SH3D19: variants seen among roughly 807,000 people sequenced by gnomAD.
SH3D19 encodes the protein SH3 domain-containing protein 19.
In SH3D19, 58 loss-of-function variants were observed where a neutral mutation model predicts 112.1. The ratio of observed to expected loss-of-function variants is 0.52; its 90% confidence interval spans 0.42 to 0.64. The LOEUF is 0.64. SH3D19 is among the 30% of genes least tolerant of loss of function. The pLI, the probability that SH3D19 is intolerant of heterozygous loss-of-function variation, is 0.00. For missense variants in SH3D19, 1,090 were observed against 1,263.4 expected (o/e 0.86, Z 2.08); for synonymous variants, 391 against 448.5 (o/e 0.87, Z 1.62).
At chr4:151,283,327 T>C in intron 1 of SH3D19, 345 of 1,186,708 alleles carry the variant, frequency 2.9e-4, no homozygotes, top group Non-Finnish European at 3.9e-4. Flanking sequence ...AAACATGAGA[T>C]CTTAATTTGG....
chr4:151,268,497 T>C (rs1381494100), intron 1 of SH3D19, among the ~76,000 whole-genome samples: 3 of 151,502 alleles, frequency 2.0e-5, no homozygotes. Flanking sequence ...ATGTGCAGGT[T>C]AGTTACATAT....
chr4:151,124,140 CTT>C (rs993874808), intron 19 of SH3D19, among the ~76,000 whole-genome samples: 1 of 149,898 alleles, frequency 6.7e-6, no homozygotes, highest in African/African-American at 2.4e-5. Context: ...GAGTTTTGCT[CTT>C]GTTGCCCCGG....
At chr4:151,180,536 A>G (rs1160143869) in intron 3 of SH3D19, among the ~76,000 whole-genome samples, 1 of 149,992 alleles carries the variant, frequency 6.7e-6, no homozygotes, top group Non-Finnish European at 1.5e-5. Flanking sequence ...CTTCCAGAGT[A>G]GCTGGGACTA....
At chr4:151,283,048 T>A in intron 1 of SH3D19, 1 of 1,460,386 alleles carries the variant, frequency 6.8e-7, no homozygotes, top group Non-Finnish European at 9.5e-7. Flanking sequence ...CTTCTGCACA[T>A]CATGACTGAA....
intron 1 of SH3D19, among the ~76,000 whole-genome samples, chr4:151,276,185 A>C (rs1287740274): frequency 6.6e-6 from 1 of 152,118 alleles, no homozygotes; most frequent in Non-Finnish European, 1.5e-5. Flanking sequence ...AAGCATCCCA[A>C]TATTTTAAGT....
chr4:151,165,721 G>A (rs1456044286), intron 7 of SH3D19, 25 bp from the exon 8 acceptor site: 1 of 1,589,712 alleles, frequency 6.3e-7, no homozygotes. Context: ...AGTTTATTTT[G>A]CATGTTTTAG....
intron 1 of SH3D19, among the ~76,000 whole-genome samples, chr4:151,229,515 C>T (rs1388280043): frequency 6.6e-6 from 1 of 152,178 alleles, no homozygotes; most frequent in Non-Finnish European, 1.5e-5. Flanking sequence ...CACATACACA[C>T]ACACACCCCG....
At chr4:151,181,765 AG>A (rs1474903871) in intron 3 of SH3D19, 2 of 152,248 alleles carry the variant, frequency 1.3e-5, no homozygotes, top group African/African-American at 4.8e-5. Flanking sequence ...AGAAGAGGAA[AG>A]GAAGAGAAAA....
chr4:151,281,466 G>A (rs1055035326), intron 1 of SH3D19, among the ~76,000 whole-genome samples: 1 of 152,118 alleles, frequency 6.6e-6, no homozygotes, highest in Non-Finnish European at 1.5e-5. Context: ...AGTGGGAGGT[G>A]GGGGGTAGAC....
chr4:151,126,593 A>C (rs1749386262), intron 19 of SH3D19, among the ~76,000 whole-genome samples: 1 of 151,944 alleles, frequency 6.6e-6, no homozygotes, highest in Non-Finnish European at 1.5e-5. Context: ...CAGGAGATCA[A>C]GACCATCTTC....
intron 14 of SH3D19, among the ~76,000 whole-genome samples, chr4:151,135,421 ATTTTTTTTTT>A (rs34291277): frequency 1.1e-5 from 1 of 87,464 alleles, no homozygotes; most frequent in Non-Finnish European, 2.0e-5. Context: ...TCTCTATCTC[ATTTTTTTTTT>A]TTTTTTTTTT....
At chr4:151,276,137 C>T (rs1348697745) in intron 1 of SH3D19, among the ~76,000 whole-genome samples, 1 of 152,210 alleles carries the variant, frequency 6.6e-6, no homozygotes, top group Non-Finnish European at 1.5e-5. Flanking sequence ...GCCACCGTGC[C>T]TGGCCTATTA....
At position 151,174,734 on chromosome 4, in the gene SH3D19, A is replaced by G. The variant is rs1007324499; in HGVS notation, c.1470T>C (p.Asp490=). 7 of 1,517,738 alleles carry G rather than the reference A, an allele frequency of 4.6e-6. No individual in the cohort carries two copies. The African/African-American group carries it at 8.4e-5, about 18-fold the overall frequency. The allele number at this position is 1,517,738 out of a possible 1,614,324, so 94.0% of individuals were successfully genotyped here. Reference sequence around the variant, plus strand: ...TCCCCGATGGGGTGGGCAAAACATCATCATCAAAGCTGATGAGATCGATGT... The same window carrying G: ...TCCCCGATGGGGTGGGCAAAACATCGTCATCAAAGCTGATGAGATCGATGT... The part of the protein sequence containing the change: ...LVDIDLISFD[D]DVLPTPSGNL... The change falls in exon 7 of 20, where the codon GAT becomes GAC. Residue 490 remains aspartate, a synonymous_variant. Coordinates refer to ENST00000604030, the MANE Select transcript of SH3D19 (RefSeq NM_001378122.1).
intron 7 of SH3D19, among the ~76,000 whole-genome samples, chr4:151,171,333 C>T (rs1388366578): frequency 5.9e-5 from 9 of 151,866 alleles, no homozygotes; most frequent in Non-Finnish European, 1.5e-5. Context: ...GGGTTAAGAA[C>T]TTGCTGCCAT....
At chr4:151,210,478 T>C (rs1317106688) in intron 2 of SH3D19, among the ~76,000 whole-genome samples, 1 of 151,290 alleles carries the variant, frequency 6.6e-6, no homozygotes, top group Non-Finnish European at 1.5e-5. Context: ...CTCAGCTTAC[T>C]GCAAGCTCCG....
intron 2 of SH3D19, among the ~76,000 whole-genome samples, chr4:151,216,263 G>A (rs765788357): frequency 1.3e-5 from 2 of 152,210 alleles, no homozygotes; most frequent in East Asian, 3.8e-4. Context: ...TAGCTAGTAC[G>A]CTTCTGTGGC....
intron 1 of SH3D19, among the ~76,000 whole-genome samples, chr4:151,296,475 C>T (rs1229803493): frequency 6.6e-6 from 1 of 152,154 alleles, no homozygotes; most frequent in Admixed American, 6.5e-5. Context: ...ACTTAAGAGC[C>T]TGTCCCCTGC....
chr4:151,214,773 C>T lies in SH3D19; in HGVS notation c.152+11274G>A, dbSNP rs1285672648. 4.9e-5 allele frequency among the ~76,000 whole-genome samples: 6 copies of T among 123,408 alleles called. 1 individual carries two copies. Among genetic ancestry groups the T allele is most frequent in the Admixed American group, 4.7e-4 (6 of 12,730 alleles). 81.0% of individuals were successfully genotyped at this position (123,408 alleles called of 152,430 possible). On this transcript the variant is annotated intron_variant, in intron 2 of 19. Coordinates refer to ENST00000604030, the MANE Select transcript of SH3D19 (RefSeq NM_001378122.1). ...TGGCCGGGCAGGGGGCTGACCCCCCCACCTCCCTCCCGGACGGAGCGCCTG... is the reference window on the plus strand; with the variant it reads ...TGGCCGGGCAGGGGGCTGACCCCCCTACCTCCCTCCCGGACGGAGCGCCTG...
chr4:151,142,736 T>C (rs1383315151), intron 12 of SH3D19, among the ~76,000 whole-genome samples: 1 of 152,108 alleles, frequency 6.6e-6, no homozygotes, highest in Admixed American at 6.6e-5. Flanking sequence ...AACATATTCG[T>C]AGAGATATTT....
Sources: gnomAD v4.1 joint callset for allele counts (sites outside exome capture counted in the v4.1 genomes callset) on GRCh38, gnomAD v4.1.1 for gene constraint, MANE v1.5 for transcripts, NCBI Gene and HGNC (gene_info 2026-07-23, HGNC 2026-07-21) for gene names.